Variants in DIPK2A observed in about 807,000 individuals in gnomAD.
The protein encoded by DIPK2A is Golgi Protein of 49 kDa.
Under a neutral mutation model 39.0 loss-of-function variants are expected in DIPK2A, and 27 were observed. The ratio of observed to expected loss-of-function variants is 0.69; its 90% CI spans 0.51 to 0.96. The LOEUF (loss-of-function observed/expected upper bound fraction) is 0.96, where lower values mean the gene tolerates loss of function less well. DIPK2A is among the 40% of genes least tolerant of loss of function. The pLI, the probability that DIPK2A is intolerant of heterozygous loss-of-function variation, is 0.00. For missense variants in DIPK2A, 528 were observed against 571.3 expected (o/e 0.92, Z 0.77); for synonymous variants, 298 against 240.8 (o/e 1.24, Z -2.20).
intron 1 of DIPK2A, among the ~76,000 whole-genome samples, chr3:143,981,346 A>G (rs2087826463): frequency 6.6e-6 from 1 of 152,194 alleles, no homozygotes; most frequent in African/African-American, 2.4e-5. Flanking sequence ...AAGTCCCAAC[A>G]TGATCTGGTC....
At chr3:143,973,637 T>TGG (rs950805097) in intron 1 of DIPK2A, 18 of 1,218,356 alleles carry the variant, frequency 1.5e-5, no homozygotes, top group Non-Finnish European at 1.7e-5. Context: ...GCGTTGGACT[T>TGG]GGGGCTGGGA....
At position 143,987,722 on chromosome 3, in the gene DIPK2A, A is replaced by C. The variant is rs150518111; in HGVS notation, c.962-1788A>C. ...ATCCAACTTCTCTTGCCTTCCTATA[A>C]AAAGTATATATAAGACTCTCTTCTG... is the stretch of plus-strand genomic sequence containing the variant. On this transcript the variant is annotated intron_variant, in intron 2 of 2. Transcript: ENST00000315691. Among the ~76,000 whole-genome samples the C allele has an allele frequency of 3.9e-3, 588 of 152,174 alleles. 6 individuals are homozygous for C. Among genetic ancestry groups the C allele is most frequent in the African/African-American group, 0.013 (557 of 41,524 alleles).
At chr3:143,982,651 A>G (rs114475301) in intron 1 of DIPK2A, among the ~76,000 whole-genome samples, 4,464 of 152,298 alleles carry the variant, frequency 0.029, 210 homozygotes, top group African/African-American at 0.1. Flanking sequence ...AAACATACCA[A>G]TTGTAAAGAT....
rs1456314155 is a variant in DIPK2A, at chr3:143,972,032, C to T, written c.-301C>T. The T allele has an allele frequency of 3.0e-6, 1 of 337,956 alleles. No individual in the cohort carries two copies. Among genetic ancestry groups the T allele is most frequent in the African/African-American group, 2.1e-5 (1 of 47,318 alleles). The allele number at this position is 337,956 out of a possible 1,614,324, so 20.9% of individuals were successfully genotyped here. ...TCGGGTCCCCGCGCTCCCTCCCCCT[C>T]CCGCTCCTCTATAACTTGGCTGGCG... On this transcript the variant is annotated 5_prime_UTR_variant, in exon 1 of 3. Coordinates refer to ENST00000315691, the MANE Select transcript of DIPK2A (RefSeq NM_173552.5).
intron 1 of DIPK2A, among the ~76,000 whole-genome samples, chr3:143,975,810 T>TGAC (rs2087720637): frequency 2.0e-5 from 3 of 152,218 alleles, no homozygotes; most frequent in African/African-American, 7.2e-5. Context: ...TAGATTTTTC[T>TGAC]TATATTGTCC....
rs1211083792 is a variant in DIPK2A, at chr3:143,990,457, A to G, written c.*616A>G. ...TTTTTTTTTTTTTAAAGAAAGCTAA[A>G]TATTACATTATGTAAATACTTCTTT... On this transcript the variant is annotated 3_prime_UTR_variant, in exon 3 of 3. Transcript: ENST00000315691. 5.3e-5 allele frequency: 8 copies of G among 150,484 alleles called. No individual in the cohort carries two copies. The highest frequency in any genetic ancestry group is 1.0e-4 in the Non-Finnish European group (7 of 67,632). 9.3% of individuals were successfully genotyped at this position (150,484 alleles called of 1,614,324 possible).
chr3:143,985,594 G>T lies in DIPK2A; in HGVS notation c.709G>T (p.Gly237Ter). ...ATTTGCAAAGTATCTTGGAGCTTGT[G>T]GAAGAATGGTGGCTGTAAATTATGT... Reference protein sequence around the residue: ...WPFAKYLGACGRMVAVNYVGE... With the variant: ...WPFAKYLGAC Residue 237 changes from glycine (G) to a stop codon, truncating the protein, a stop_gained, in exon 2 of 3, where the codon GGA becomes TGA. Coordinates refer to ENST00000315691, the MANE Select transcript of DIPK2A (RefSeq NM_173552.5). LOFTEE classifies it high-confidence loss of function. The T allele has an allele frequency of 6.2e-7, 1 of 1,614,176 alleles. No homozygotes were observed. Among genetic ancestry groups the T allele is most frequent in the Non-Finnish European group, 8.5e-7 (1 of 1,180,012 alleles).
chr3:143,973,386 T>C, intron 1 of DIPK2A: 2 of 1,548,946 alleles, frequency 1.3e-6, no homozygotes, highest in Non-Finnish European at 1.7e-6. Context: ...CTTGGACCTT[T>C]CCTAGTTCTT....
chr3:143,983,115 A>G (rs1451153212), intron 1 of DIPK2A, among the ~76,000 whole-genome samples: 1 of 152,194 alleles, frequency 6.6e-6, no homozygotes, highest in Non-Finnish European at 1.5e-5. Context: ...TTAGACTCCC[A>G]CACAATAATA....
Position 143,972,267 on chromosome 3 carries a change from G to A in DIPK2A, c.-66G>A, listed in dbSNP as rs1318460471. On this transcript the variant is annotated 5_prime_UTR_variant, in exon 1 of 3. Coordinates refer to ENST00000315691, the MANE Select transcript of DIPK2A (RefSeq NM_173552.5). ...CCGGGGTTCCTGCCGGTAGCTCTCC[G>A]GGTCTTGGCGCGGCGGGGGCGCCCC... 2.3e-6 allele frequency: 3 copies of A among 1,321,562 alleles called. No homozygotes were observed. In the African/African-American group the frequency reaches 4.7e-5, roughly 21 times the overall value. 81.9% of individuals were successfully genotyped at this position (1,321,562 alleles called of 1,614,324 possible).
At chr3:143,980,921 AT>A (rs546755404) in intron 1 of DIPK2A, among the ~76,000 whole-genome samples, 270 of 152,346 alleles carry the variant, frequency 1.8e-3, no homozygotes, top group African/African-American at 6.1e-3. Context: ...TTAGTATACA[AT>A]ATTTTTGGTC....
At chr3:143,973,222 G>C (rs777149284) in intron 1 of DIPK2A, 1 of 1,095,964 alleles carries the variant, frequency 9.1e-7, no homozygotes, top group South Asian at 1.3e-5. Context: ...GGCGCATTTC[G>C]GATTTGACTG....
chr3:143,978,622 C>CTATATA (rs60796376), intron 1 of DIPK2A: 1 of 121,648 alleles, frequency 8.2e-6, no homozygotes, highest in South Asian at 2.7e-4. Context: ...ATATCTATAT[C>CTATATA]TATATATATA....
chr3:143,985,876 CTCATTTTTTCCTAT>C lies in DIPK2A; in HGVS notation c.961+31_961+44del, dbSNP rs776796735. The C allele has an allele frequency of 3.3e-6, 5 of 1,528,528 alleles. No homozygotes were observed. The Admixed American group carries it at 9.7e-5, about 30-fold the overall frequency. The allele number at this position is 1,528,528 out of a possible 1,614,324, so 94.7% of individuals were successfully genotyped here. On this transcript the variant is annotated intron_variant, in intron 2 of 2. Transcript: ENST00000315691. Reference sequence around the variant, plus strand: ...GTATATAATTTTAGATTTTTTTCTACTCATTTTTTCCTATGTCAAAATAATGTTTATACTTGTAT... The same window carrying C: ...GTATATAATTTTAGATTTTTTTCTACGTCAAAATAATGTTTATACTTGTAT...
chr3:143,973,975 G>A (rs1475516004), intron 1 of DIPK2A, among the ~76,000 whole-genome samples: 1 of 152,182 alleles, frequency 6.6e-6, no homozygotes, highest in Admixed American at 6.5e-5. Flanking sequence ...CAACTGTGGG[G>A]TTGTGGTTTC....
rs2087887343 is a variant in DIPK2A at position 143,985,614 on chromosome 3, TTA to T, written c.731_732del (p.Tyr244CysfsTer10). ...GACGRMVAVN[Y>X]VGEELWSYFN... is the part of the protein sequence containing the mutation. ...CTTGTGGAAGAATGGTGGCTGTAAA[TTA>T]TGTTGGAGAAGAACTGTGGAGTTAC... On this transcript the variant is annotated frameshift_variant, in exon 2 of 3. Coordinates refer to ENST00000315691, the MANE Select transcript of DIPK2A (RefSeq NM_173552.5). LOFTEE classifies it high-confidence loss of function. 1 of 1,614,016 alleles carries T rather than the reference TTA, an allele frequency of 6.2e-7. No individual in the cohort carries two copies. Among genetic ancestry groups the T allele is most frequent in the Non-Finnish European group, 8.5e-7 (1 of 1,180,012 alleles).
chr3:143,982,374 A>G (rs2087838402), intron 1 of DIPK2A, among the ~76,000 whole-genome samples: 2 of 152,192 alleles, frequency 1.3e-5, no homozygotes, highest in South Asian at 4.1e-4. Flanking sequence ...TAAATAGAGA[A>G]AGCCCATCAG....
intron 1 of DIPK2A, among the ~76,000 whole-genome samples, chr3:143,979,782 G>A (rs1412297446): frequency 1.3e-5 from 2 of 151,902 alleles, no homozygotes; most frequent in Non-Finnish European, 2.9e-5. Context: ...AATGTGTTTT[G>A]ACATCAGTTT....
intron 2 of DIPK2A, 173 bp downstream of exon 2, chr3:143,986,019 G>A: frequency 1.7e-6 from 1 of 586,428 alleles, no homozygotes; most frequent in South Asian, 2.3e-5. Flanking sequence ...TTGACTTACT[G>A]GGGGTTACAT....
Sources: allele counts gnomAD v4.1 joint callset (sites outside exome capture counted in the v4.1 genomes callset), GRCh38; gene constraint gnomAD v4.1.1; transcripts MANE v1.5; gene names NCBI Gene and HGNC (gene_info 2026-07-23, HGNC 2026-07-21).